Variants in MYH16 observed in about 807,000 individuals in gnomAD.
The protein encoded by MYH16 is myosin heavy chain 16, also known as putative uncharacterized protein MYH16.
At chr7:99,245,169 C>G (rs1266812595) in intron 2 of MYH16, among the ~76,000 whole-genome samples, 2 of 152,208 alleles carry the variant, frequency 1.3e-5, no homozygotes, top group Non-Finnish European at 2.9e-5. Context: ...GGATGAGACA[C>G]TGTGTGTCAT....
At chr7:99,285,281 G>C in intron 26 of MYH16, 101 bp from the exon 9 acceptor site, 1 of 437,412 alleles carries the variant, frequency 2.3e-6, no homozygotes, top group South Asian at 1.6e-5. Flanking sequence ...GACAGTGGCT[G>C]TCATATTCTC....
chr7:99,260,172 C>T (rs1030139929), exon 12 of MYH16: 22 of 1,607,992 alleles, frequency 1.4e-5, no homozygotes, highest in Non-Finnish European at 1.9e-5. Context: ...AGTTCAACAG[C>T]TTTGAGCAGC....
chr7:99,279,789 C>T (rs1218476881), intron 22 of MYH16, 52 bp downstream of exon 4: 5 of 437,344 alleles, frequency 1.1e-5, no homozygotes, highest in Admixed American at 7.6e-5. Flanking sequence ...CCTTCAGGGG[C>T]CATACCTAAA....
intron 29 of MYH16, 111 bp downstream of exon 10, chr7:99,288,248 C>A: frequency 2.5e-6 from 1 of 405,638 alleles, no homozygotes; most frequent in Non-Finnish European, 5.0e-6. Flanking sequence ...TGGGGACCAG[C>A]CTGGACAACA....
At chr7:99,290,969 T>C (rs2150827518) in intron 30 of MYH16, 1 of 156,168 alleles carries the variant, frequency 6.4e-6, no homozygotes, top group South Asian at 1.9e-4. Context: ...ATGACAGGAG[T>C]GTAGGTTCTG....
chr7:99,296,986 T>C (rs1792508899), intron 34 of MYH16, 69 bp downstream of exon 15: 2 of 436,392 alleles, frequency 4.6e-6, no homozygotes, highest in Admixed American at 2.4e-5. Flanking sequence ...CCCTTCATCC[T>C]GAGCACATCA....
chr7:99,286,425 A>G (rs552851803), intron 27 of MYH16: 1 of 152,548 alleles, frequency 6.6e-6, no homozygotes, highest in South Asian at 2.1e-4. Flanking sequence ...TAAAATAAAA[A>G]CTTTCATCCC....
At chr7:99,266,247 C>T (rs767289992) in intron 17 of MYH16, among the ~76,000 whole-genome samples, 6 of 152,212 alleles carry the variant, frequency 3.9e-5, no homozygotes, top group Admixed American at 6.5e-5. Context: ...GCCCCCATAA[C>T]GTGCCTTTTA....
intron 27 of MYH16, among the ~76,000 whole-genome samples, chr7:99,285,906 G>A (rs528726211): frequency 1.3e-5 from 2 of 152,354 alleles, no homozygotes; most frequent in East Asian, 1.9e-4. Context: ...AAATCACAGC[G>A]TACCTAACCC....
chr7:99,278,796 C>A (rs1038211759), intron 21 of MYH16, among the ~76,000 whole-genome samples: 2 of 152,192 alleles, frequency 1.3e-5, no homozygotes, highest in Non-Finnish European at 2.9e-5. Context: ...AGGCCTCCAA[C>A]ATCATTTCTC....
At chr7:99,245,142 C>A (rs895728436) in intron 2 of MYH16, among the ~76,000 whole-genome samples, 2 of 152,214 alleles carry the variant, frequency 1.3e-5, no homozygotes, top group Admixed American at 6.5e-5. Flanking sequence ...AAGAGTGACT[C>A]CATGGCTGGT....
intron 24 of MYH16, 52 bp downstream of exon 6, chr7:99,283,703 G>C (rs1792235695): frequency 8.8e-6 from 4 of 455,738 alleles, no homozygotes; most frequent in South Asian, 3.1e-5. Context: ...AGATCCCTCT[G>C]GGGGCACGGG....
intron 33 of MYH16, among the ~76,000 whole-genome samples, chr7:99,296,272 G>C (rs1792489872): frequency 4.6e-5 from 7 of 152,010 alleles, no homozygotes; most frequent in African/African-American, 1.2e-4. Context: ...AGGGAGTTAT[G>C]AGACGGATGA....
chr7:99,268,953 G>C (rs1370638785), intron 18 of MYH16, among the ~76,000 whole-genome samples: 1 of 152,096 alleles, frequency 6.6e-6, no homozygotes, highest in Non-Finnish European at 1.5e-5. Flanking sequence ...GGCCCTGCAG[G>C]CAGCATTCTG....
At chr7:99,276,776 T>A (rs1792116767) in intron 20 of MYH16, among the ~76,000 whole-genome samples, 1 of 147,254 alleles carries the variant, frequency 6.8e-6, no homozygotes, top group African/African-American at 2.5e-5. Context: ...ATGAAAGGAG[T>A]GAGAGAGAGA....
exon 26 of MYH16, chr7:99,284,932 C>A: frequency 2.2e-6 from 1 of 456,662 alleles, no homozygotes; most frequent in Non-Finnish European, 4.4e-6. Context: ...TGAAGGAGCA[C>A]CAGGTATGTC....
At chr7:99,258,799 C>T (rs941015793) in intron 11 of MYH16, among the ~76,000 whole-genome samples, 6 of 123,532 alleles carry the variant, frequency 4.9e-5, no homozygotes, top group Non-Finnish European at 9.4e-5. Context: ...GCTGATCAAT[C>T]AGCTCACCAC....
At chr7:99,305,768 C>T (rs1335562676) in intron 40 of MYH16, 68 bp from the exon 22 acceptor site, 1 of 152,924 alleles carries the variant, frequency 6.5e-6, no homozygotes, top group Non-Finnish European at 1.5e-5. Context: ...CAGAGCAGGA[C>T]CCTGTCAGAA....
rs180715465 is a variant in MYH16 at position 99,279,541 on chromosome 7, G to A, written n.2691G>A. ...GAGAACCTGATGGATGCAGAGGAGC[G>A]CCTGACATGGATGATGAAGACCAAG... is the stretch of plus-strand genomic sequence containing the variant. On this transcript the variant is annotated non_coding_transcript_exon_variant, in exon 22 of 42. Transcript: ENST00000439784. 30 of 456,612 alleles carry A rather than the reference G, an allele frequency of 6.6e-5. No homozygotes were observed. In the East Asian group the frequency reaches 1.9e-3, roughly 29 times the overall value. 28.3% of individuals were successfully genotyped at this position (456,612 alleles called of 1,614,324 possible).
Sources: allele counts gnomAD v4.1 joint callset (sites outside exome capture counted in the v4.1 genomes callset), GRCh38; gene constraint gnomAD v4.1.1; transcripts MANE v1.5; gene names NCBI Gene and HGNC (gene_info 2026-07-23, HGNC 2026-07-21).